Variants in PRRG1 observed in about 807,000 individuals in gnomAD.
PRRG1 encodes transmembrane gamma-carboxyglutamic acid protein 1.
PRRG1 carries 5 observed loss-of-function variants against 11.8 expected under a neutral mutation model. That is an observed-to-expected ratio of 0.42 (90% CI 0.22 to 0.89). PRRG1 has a LOEUF of 0.89. Among genes scored for constraint, PRRG1 ranks in the 40% least tolerant of loss-of-function variants. The pLI is 0.28. For synonymous variants in PRRG1, 66 were observed against 60.4 expected (o/e 1.09, Z -0.43); for missense variants, 155 against 166.1 (o/e 0.93, Z 0.37).
At chrX:37,443,745 T>G (rs1184959963) in intron 3 of PRRG1, among the ~76,000 whole-genome samples, 1 of 112,043 alleles carries the variant, frequency 8.9e-6, no homozygotes, top group Non-Finnish European at 1.9e-5. Flanking sequence ...TAGAATGAAA[T>G]TATTTCCTAG....
At chrX:37,376,653 G>C (rs1275369638) in intron 1 of PRRG1, among the ~76,000 whole-genome samples, 1 of 96,522 alleles carries the variant, frequency 1.0e-5, no homozygotes, top group African/African-American at 3.7e-5. Context: ...ATTTCCTTGC[G>C]GGCAAAAAAT....
At chrX:37,370,304 G>C (rs1399387338) in intron 1 of PRRG1, among the ~76,000 whole-genome samples, 2 of 112,331 alleles carry the variant, frequency 1.8e-5, no homozygotes, top group Non-Finnish European at 3.8e-5. Context: ...GAACATGTGA[G>C]TTAAGATATC....
chrX:37,422,522 T>G, intron 2 of PRRG1, among the ~76,000 whole-genome samples: 1 of 112,250 alleles, frequency 8.9e-6, no homozygotes, highest in Admixed American at 9.4e-5. Flanking sequence ...TTTCTTCATG[T>G]ATTAGTTGGC....
chrX:37,378,636 G>C (rs1265962208), intron 1 of PRRG1, among the ~76,000 whole-genome samples: 2 of 111,289 alleles, frequency 1.8e-5, no homozygotes, highest in African/African-American at 6.5e-5. Flanking sequence ...CACAATAGAC[G>C]GATTTGATCT....
intron 1 of PRRG1, among the ~76,000 whole-genome samples, chrX:37,401,019 G>A (rs1207688425): frequency 3.6e-5 from 4 of 110,556 alleles, no homozygotes; most frequent in African/African-American, 6.6e-5. Context: ...AAGAGTCCAG[G>A]ACCAGATGGA....
At position 37,393,754 on chromosome X, in the gene PRRG1, C is replaced by T. The variant is rs376568459; in HGVS notation, c.-41-12455C>T. ...CTCTAAGCTCTATTAGGGCAGGGAT[C>T]GCAGATGCCTTATTCACCATTAACA... is the stretch of plus-strand genomic sequence containing the variant. On this transcript the variant is annotated intron_variant, in intron 1 of 3. Coordinates refer to ENST00000378628, the MANE Select transcript of PRRG1 (RefSeq NM_001142395.2). Among the ~76,000 whole-genome samples, 12 of 112,217 alleles carry T rather than the reference C, an allele frequency of 1.1e-4. No homozygotes were observed. In the East Asian group the frequency reaches 2.5e-3, roughly 23 times the overall value.
intron 1 of PRRG1, among the ~76,000 whole-genome samples, chrX:37,401,629 G>A (rs1248819496): frequency 9.0e-6 from 1 of 110,742 alleles, no homozygotes; most frequent in Non-Finnish European, 1.9e-5. Context: ...TGGAAGTTCT[G>A]GCCAGTGCAA....
At chrX:37,448,226 C>T (rs782623472) in intron 3 of PRRG1, among the ~76,000 whole-genome samples, 14 of 112,417 alleles carry the variant, frequency 1.2e-4, no homozygotes, top group Admixed American at 7.5e-4. Flanking sequence ...AAGAAACAGG[C>T]GGCTAAAGAG....
rs1602046357 is a variant in PRRG1 at position 37,454,446 on chromosome X, A to G, written c.*825A>G. 8.9e-6 allele frequency: 1 copy of G among 111,976 alleles called. No homozygotes were observed. The highest frequency in any genetic ancestry group is 1.9e-5 in the Non-Finnish European group (1 of 53,194). 9.2% of individuals were successfully genotyped at this position (111,976 alleles called of 1,213,427 possible). ...ATATATGTGTGGATTAATGACAGGC[A>G]GTAAATACCCATTACTCCTTTACTC... On this transcript the variant is annotated 3_prime_UTR_variant, in exon 4 of 4. Coordinates refer to ENST00000378628, the MANE Select transcript of PRRG1 (RefSeq NM_001142395.2).
chrX:37,389,232 C>G (rs141723987), intron 1 of PRRG1, among the ~76,000 whole-genome samples: 3,069 of 111,523 alleles, frequency 0.028, 104 homozygotes, highest in African/African-American at 0.093. Flanking sequence ...CTGCATTTTC[C>G]TATCTCCTTC....
intron 2 of PRRG1, among the ~76,000 whole-genome samples, chrX:37,412,504 A>G (rs1556384114): frequency 8.9e-6 from 1 of 111,734 alleles, no homozygotes; most frequent in Non-Finnish European, 1.9e-5. Context: ...TTTAAAGTCA[A>G]TTAATTATTT....
intron 2 of PRRG1, among the ~76,000 whole-genome samples, chrX:37,409,613 A>G (rs1206002682): frequency 8.9e-6 from 1 of 111,984 alleles, no homozygotes; most frequent in African/African-American, 3.2e-5. Context: ...TCTATCCTTT[A>G]CTCTCTAAGC....
At chrX:37,357,366 G>C (rs1930271053) in intron 1 of PRRG1, among the ~76,000 whole-genome samples, 1 of 111,681 alleles carries the variant, frequency 9.0e-6, no homozygotes, top group South Asian at 3.7e-4. Context: ...ATAAATATCT[G>C]TGTGCAGTAT....
At chrX:37,388,654 G>T (rs1373414413) in intron 1 of PRRG1, among the ~76,000 whole-genome samples, 1 of 113,264 alleles carries the variant, frequency 8.8e-6, no homozygotes, top group African/African-American at 3.2e-5. Context: ...CCCTGGGCCT[G>T]GCCCATGAAA....
At chrX:37,414,406 T>C (rs1333030671) in intron 2 of PRRG1, among the ~76,000 whole-genome samples, 2 of 112,231 alleles carry the variant, frequency 1.8e-5, no homozygotes, top group Non-Finnish European at 3.8e-5. Flanking sequence ...AGTCCTATCA[T>C]CAAGTAGCTG....
chrX:37,440,949 T>C, intron 3 of PRRG1: 1 of 588,232 alleles, frequency 1.7e-6, no homozygotes, highest in Non-Finnish European at 2.6e-6. Flanking sequence ...AACAAAATTA[T>C]GTGCAGACAA....
intron 2 of PRRG1, among the ~76,000 whole-genome samples, chrX:37,409,287 A>G (rs1267108611): frequency 8.9e-6 from 1 of 112,139 alleles, no homozygotes; most frequent in Non-Finnish European, 1.9e-5. Context: ...AATTTTTGTC[A>G]TCTTCACGTT....
intron 2 of PRRG1, among the ~76,000 whole-genome samples, chrX:37,411,440 A>G (rs1348552354): frequency 8.9e-6 from 1 of 112,243 alleles, no homozygotes; most frequent in Admixed American, 9.5e-5. Flanking sequence ...TATTCATGAT[A>G]AAATGGTAAA....
chrX:37,381,230 A>C (rs1931142001), intron 1 of PRRG1, among the ~76,000 whole-genome samples: 1 of 111,687 alleles, frequency 9.0e-6, no homozygotes, highest in Non-Finnish European at 1.9e-5. Flanking sequence ...GATTGTGTCT[A>C]AGTTGTTTTA....
Sources: gnomAD v4.1 joint callset for allele counts (sites outside exome capture counted in the v4.1 genomes callset) on GRCh38, gnomAD v4.1.1 for gene constraint, MANE v1.5 for transcripts, NCBI Gene and HGNC (gene_info 2026-07-23, HGNC 2026-07-21) for gene names.